Variants in TMEM182 observed in about 807,000 individuals in gnomAD.
TMEM182 encodes transmembrane protein 182.
TMEM182 carries 20 observed loss-of-function variants against 26.8 expected under a neutral mutation model. The observed-to-expected ratio is 0.75, with a 90% confidence interval of 0.53 to 1.09. TMEM182 has a LOEUF of 1.09. Ranked by LOEUF, TMEM182 falls within the 50% of genes least tolerant of loss-of-function variation. TMEM182 has a pLI of 0.00. For missense variants in TMEM182, 277 were observed against 275.5 expected (o/e 1.01, Z -0.04); for synonymous variants, 109 against 102.2 (o/e 1.07, Z -0.40).
intron 1 of TMEM182, among the ~76,000 whole-genome samples, chr2:102,744,785 C>T (rs942318148): frequency 2.0e-5 from 3 of 151,950 alleles, no homozygotes; most frequent in Admixed American, 6.6e-5. Context: ...GCCCTTATTC[C>T]GAAAGCAATT....
intron 1 of TMEM182, among the ~76,000 whole-genome samples, chr2:102,743,778 A>G (rs1204909532): frequency 6.6e-6 from 1 of 152,226 alleles, no homozygotes; most frequent in African/African-American, 2.4e-5. Flanking sequence ...AAATTATATC[A>G]TATTGACACT....
chr2:102,760,606 T>G (rs1196072611), upstream of TMEM182, among the ~76,000 whole-genome samples: 1 of 152,160 alleles, frequency 6.6e-6, no homozygotes, highest in East Asian at 1.9e-4. Flanking sequence ...ATTCATGTTT[T>G]TTTTTGTTTG....
intron 3 of TMEM182, among the ~76,000 whole-genome samples, chr2:102,829,430 GTTC>G (rs1426122958): frequency 6.6e-6 from 1 of 152,174 alleles, no homozygotes; most frequent in East Asian, 1.9e-4. Context: ...GGGCAGTCAG[GTTC>G]TTCTCCCTCT....
At chr2:102,761,269 T>G (rs1680203593), upstream of TMEM182, among the ~76,000 whole-genome samples, 1 of 152,188 alleles carries the variant, frequency 6.6e-6, no homozygotes, top group Non-Finnish European at 1.5e-5. Flanking sequence ...GTGTGAGTAT[T>G]AAGTATGATT....
chr2:102,792,041 TACACACACACAC>T (rs34305726), intron 3 of TMEM182, among the ~76,000 whole-genome samples: 12 of 147,104 alleles, frequency 8.2e-5, no homozygotes, highest in Non-Finnish European at 1.2e-4. Flanking sequence ...TATGTGTGTA[TACACACACACAC>T]ACACACACAC....
At chr2:102,785,175 C>T (rs912247770) in intron 3 of TMEM182, among the ~76,000 whole-genome samples, 15 of 152,226 alleles carry the variant, frequency 9.9e-5, no homozygotes, top group Non-Finnish European at 1.6e-4. Flanking sequence ...TCCCTGAAGC[C>T]AAAGCTTTTC....
chr2:102,821,380 C>T (rs1682912091), downstream of TMEM182, among the ~76,000 whole-genome samples: 1 of 152,052 alleles, frequency 6.6e-6, no homozygotes, highest in East Asian at 1.9e-4. Context: ...GCTATCCTTG[C>T]CATACTGAGT....
At chr2:102,812,353 GTCTC>G (rs149818584) in intron 4 of TMEM182, among the ~76,000 whole-genome samples, 16 of 136,804 alleles carry the variant, frequency 1.2e-4, no homozygotes, top group African/African-American at 3.9e-4. Context: ...CTCATTGTCT[GTCTC>G]TCTCTCTCTC....
intron 3 of TMEM182, among the ~76,000 whole-genome samples, chr2:102,784,232 G>A (rs1354352087): frequency 1.3e-5 from 2 of 152,108 alleles, no homozygotes; most frequent in Admixed American, 1.3e-4. Context: ...GGGTAGACTA[G>A]TTTACAGAAA....
rs562929340 is a variant in TMEM182, at chr2:102,762,696, A to T, written c.232+10A>T. On this transcript the variant is annotated intron_variant, in intron 2 of 4. Transcript: ENST00000412401. ...TGGAAGTTCTGGTACAGTAAGTACA[A>T]TTTAGCTTTATTTTCCCTCTTGTCT... 1.9e-5 allele frequency: 30 copies of T among 1,601,492 alleles called. No homozygotes were observed. The African/African-American group carries it at 3.6e-4, about 19-fold the overall frequency.
At chr2:102,758,281 G>T, upstream of TMEM182, 1 of 494,880 alleles carries the variant, frequency 2.0e-6, no homozygotes. Context: ...TTGTAAATTT[G>T]TGAAGAACAC....
intron 1 of TMEM182, among the ~76,000 whole-genome samples, chr2:102,742,777 T>A (rs1679580647): frequency 6.6e-6 from 1 of 152,104 alleles, no homozygotes; most frequent in Non-Finnish European, 1.5e-5. Flanking sequence ...AAAGTGTTAG[T>A]AGAAAAACTC....
intron 3 of TMEM182, among the ~76,000 whole-genome samples, chr2:102,822,730 A>C (rs1682950125): frequency 6.6e-6 from 1 of 152,144 alleles, no homozygotes. Context: ...TTTGAAAATT[A>C]GTTTGTACAA....
At chr2:102,744,744 G>A (rs1448389024) in intron 1 of TMEM182, among the ~76,000 whole-genome samples, 1 of 152,094 alleles carries the variant, frequency 6.6e-6, no homozygotes, top group African/African-American at 2.4e-5. Flanking sequence ...ATCCTTATAT[G>A]TTTTCTGATG....
intron 3 of TMEM182, among the ~76,000 whole-genome samples, chr2:102,785,565 T>G (rs1681355892): frequency 6.6e-6 from 1 of 152,214 alleles, no homozygotes; most frequent in South Asian, 2.1e-4. Flanking sequence ...AACATGTAAA[T>G]GAGAGTGTGG....
At position 102,816,816 on chromosome 2, in the gene TMEM182, A is replaced by G; in HGVS notation, c.*1848A>G. The G allele has an allele frequency of 1.0e-6, 1 of 985,812 alleles. No individual in the cohort carries two copies. Among genetic ancestry groups the G allele is most frequent in the African/African-American group, 1.7e-5 (1 of 57,348 alleles). The allele number at this position is 985,812 out of a possible 1,614,324, so 61.1% of individuals were successfully genotyped here. A position where few individuals can be genotyped will look rare whatever the true frequency, so the allele number is the denominator to read the frequency against. ...ATCTGTAAATACAATTCTTTTTTGT[A>G]GTACTTTGGAATGGAGCCTTTTTCT... is the stretch of plus-strand genomic sequence containing the variant. On this transcript the variant is annotated 3_prime_UTR_variant, in exon 5 of 5. Transcript: ENST00000412401.
chr2:102,758,259 C>A (rs915012421), upstream of TMEM182: 1 of 507,858 alleles, frequency 2.0e-6, no homozygotes, highest in South Asian at 3.2e-5. Context: ...AAGAGAGAAC[C>A]TATGTCTCAG....
intron 4 of TMEM182, among the ~76,000 whole-genome samples, chr2:102,809,410 A>G (rs554438330): frequency 2.6e-5 from 4 of 152,306 alleles, no homozygotes; most frequent in East Asian, 3.9e-4. Flanking sequence ...CGTTTCATGA[A>G]TGCTGCTATC....
intron 1 of TMEM182, among the ~76,000 whole-genome samples, chr2:102,738,580 G>T (rs148811080): frequency 6.6e-6 from 1 of 152,086 alleles, no homozygotes; most frequent in Admixed American, 6.5e-5. Flanking sequence ...AACAGAGGGA[G>T]ACTCTGTGTA....
Sources: allele counts gnomAD v4.1 joint callset (sites outside exome capture counted in the v4.1 genomes callset), GRCh38; gene constraint gnomAD v4.1.1; transcripts MANE v1.5; gene names NCBI Gene and HGNC (gene_info 2026-07-23, HGNC 2026-07-21).